The following ARHGAP12 variants were observed in gnomAD, a reference collection of about 807,000 sequenced individuals.
ARHGAP12 encodes Rho GTPase activating protein 12.
A neutral mutation model predicts 108.6 loss-of-function variants in ARHGAP12; 64 were observed. The observed-to-expected ratio is 0.59, with a 90% CI of 0.48 to 0.73. ARHGAP12 has a LOEUF of 0.73. Among genes scored for constraint, ARHGAP12 ranks in the 30% least tolerant of loss-of-function variants. ARHGAP12 has a pLI of 0.00. For missense variants in ARHGAP12, 940 were observed against 1,005.9 expected, an observed-to-expected ratio of 0.93 and a Z score of 0.89; for synonymous variants, 312 against 337.2, an observed-to-expected ratio of 0.93 and a Z score of 0.82.
chr10:31,892,437 C>CA lies in ARHGAP12; in HGVS notation c.684+15734dup, dbSNP rs1053850897. Among the ~76,000 whole-genome samples the CA allele has an allele frequency of 2.1e-4, 32 of 150,716 alleles. No individual in the cohort carries two copies. The East Asian group carries it at 3.7e-3, about 17-fold the overall frequency. ...GAAGATCTACCAAGCAAACAGAAAA[C>CA]AAAAAAAAGGCAGTCCTAGTCTCTG... On this transcript the variant is annotated intron_variant, in intron 3 of 19. Transcript: ENST00000344936.
rs555226627 is a variant in ARHGAP12, at chr10:31,830,264, C to A, written c.1448+1475G>T. Among the ~76,000 whole-genome samples the A allele has an allele frequency of 6.6e-5, 10 of 151,914 alleles. No homozygotes were observed. The South Asian group carries it at 2.1e-3, about 32-fold the overall frequency. On this transcript the variant is annotated intron_variant, in intron 10 of 19. Coordinates refer to ENST00000344936, the MANE Select transcript of ARHGAP12 (RefSeq NM_018287.7). ...TCTTCAGACCAAAAAGTTTAAGAAC[C>A]ACTAATACATAGGAAACTAAAGATT...
At chr10:31,908,947 A>C (rs137906457) in intron 2 of ARHGAP12, 21 bp from the exon 3 acceptor site, 8 of 1,231,454 alleles carry the variant, frequency 6.5e-6, no homozygotes, top group African/African-American at 3.0e-5. Context: ...TAAATGGAGA[A>C]AGAGAATGAA....
At chr10:31,883,899 G>C (rs138998284) in intron 3 of ARHGAP12, among the ~76,000 whole-genome samples, 226 of 151,630 alleles carry the variant, frequency 1.5e-3, no homozygotes, top group African/African-American at 5.3e-3. Flanking sequence ...ATTTTTTATA[G>C]AGAAAGGGTT....
rs767272767 is a variant in ARHGAP12, at chr10:31,839,702, T to C, written c.1306A>G (p.Thr436Ala). ...TCAGGAAAGCAGGGTTTTGAGGCAG[T>C]TGGAGATTCCTACAAGAAATAAGTA... ...VLDTNDKESPTASKPCFPENE... is the reference protein window; with the variant it reads ...VLDTNDKESPAASKPCFPENE... The change falls in exon 8 of 20, where the codon ACT becomes GCT. Residue 436 changes from threonine to alanine, a missense_variant. By Grantham distance (58) the Thr-to-Ala change is moderately conservative. Transcript: ENST00000344936. 2 of 1,605,438 alleles carry C rather than the reference T, an allele frequency of 1.2e-6. No individual in the cohort carries two copies. Among genetic ancestry groups the C allele is most frequent in the East Asian group, 2.2e-5 (1 of 44,544 alleles).
At chr10:31,871,074 T>TA (rs771034518) in intron 3 of ARHGAP12, among the ~76,000 whole-genome samples, 7 of 152,098 alleles carry the variant, frequency 4.6e-5, no homozygotes, top group Non-Finnish European at 1.0e-4. Flanking sequence ...AACTCAGCAC[T>TA]AAACAGGGAT....
At chr10:31,908,115 T>C (rs1399867917) in intron 3 of ARHGAP12, 57 bp downstream of exon 3, 3 of 1,449,506 alleles carry the variant, frequency 2.1e-6, no homozygotes, top group African/African-American at 2.9e-5. Context: ...ATTAAAACTA[T>C]AACTAATATT....
At chr10:31,894,415 T>C (rs1838589046) in intron 3 of ARHGAP12, among the ~76,000 whole-genome samples, 1 of 152,044 alleles carries the variant, frequency 6.6e-6, no homozygotes, top group Admixed American at 6.5e-5. Context: ...GGATACAAAA[T>C]CAATGTGCAA....
intron 14 of ARHGAP12, among the ~76,000 whole-genome samples, chr10:31,813,551 A>C (rs1403358912): frequency 1.3e-5 from 2 of 152,202 alleles, no homozygotes; most frequent in Non-Finnish European, 2.9e-5. Context: ...TGACAATGTC[A>C]GTAATAGGCC....
chr10:31,901,964 T>G (rs1026386685), intron 3 of ARHGAP12, among the ~76,000 whole-genome samples: 2 of 152,158 alleles, frequency 1.3e-5, no homozygotes, highest in African/African-American at 4.8e-5. Flanking sequence ...TCAAGATCCT[T>G]AACTTAATCA....
At chr10:31,825,098 T>C (rs1264236384) in intron 11 of ARHGAP12, among the ~76,000 whole-genome samples, 1 of 152,056 alleles carries the variant, frequency 6.6e-6, no homozygotes, top group Non-Finnish European at 1.5e-5. Flanking sequence ...GGGAGCAAAT[T>C]AAAAGATTAG....
chr10:31,826,600 A>C (rs1835620890), intron 10 of ARHGAP12, among the ~76,000 whole-genome samples: 1 of 152,234 alleles, frequency 6.6e-6, no homozygotes, highest in Admixed American at 6.5e-5. Context: ...AATGAAGTTA[A>C]TCAGAGAAGT....
chr10:31,895,184 C>T (rs1392883781), intron 3 of ARHGAP12, among the ~76,000 whole-genome samples: 4 of 152,162 alleles, frequency 2.6e-5, no homozygotes, highest in African/African-American at 4.8e-5. Context: ...AGGACATAGG[C>T]ATGGGCAAGG....
At chr10:31,881,646 C>T (rs970329949) in intron 3 of ARHGAP12, among the ~76,000 whole-genome samples, 3 of 152,138 alleles carry the variant, frequency 2.0e-5, no homozygotes, top group African/African-American at 4.8e-5. Context: ...TATTCCTCTC[C>T]ATGAGGAAGT....
chr10:31,835,880 G>A (rs1592270742), intron 9 of ARHGAP12, among the ~76,000 whole-genome samples: 1 of 152,044 alleles, frequency 6.6e-6, no homozygotes, highest in Non-Finnish European at 1.5e-5. Context: ...ACTTTTAATG[G>A]GTATGGGTTT....
At chr10:31,916,356 G>A (rs891889452) in intron 1 of ARHGAP12, among the ~76,000 whole-genome samples, 3 of 151,416 alleles carry the variant, frequency 2.0e-5, no homozygotes, top group African/African-American at 4.9e-5. Context: ...CGACACACAC[G>A]CCTGCTTATA....
intron 9 of ARHGAP12, among the ~76,000 whole-genome samples, chr10:31,833,051 AT>A (rs549029749): frequency 6.6e-4 from 97 of 147,462 alleles, no homozygotes; most frequent in East Asian, 2.6e-3. Context: ...TATGTGTGAG[AT>A]TTTTTTTTTT....
chr10:31,833,377 A>G (rs1336496156), intron 9 of ARHGAP12, among the ~76,000 whole-genome samples: 2 of 152,074 alleles, frequency 1.3e-5, no homozygotes, highest in East Asian at 3.9e-4. Context: ...CACAGGCATC[A>G]AAACAGGAAG....
intron 6 of ARHGAP12, among the ~76,000 whole-genome samples, chr10:31,848,128 T>C (rs1173914744): frequency 6.6e-6 from 1 of 152,146 alleles, no homozygotes; most frequent in Non-Finnish European, 1.5e-5. Flanking sequence ...TCTCCTTGTG[T>C]CATATTTGTT....
chr10:31,924,476 T>C (rs1330691116), intron 1 of ARHGAP12, among the ~76,000 whole-genome samples: 3 of 152,126 alleles, frequency 2.0e-5, no homozygotes, highest in South Asian at 2.1e-4. Context: ...AATAGAGAAA[T>C]ACAAATCATA....
Sources: gnomAD v4.1 joint callset for allele counts (sites outside exome capture counted in the v4.1 genomes callset) on GRCh38, gnomAD v4.1.1 for gene constraint, MANE v1.5 for transcripts, NCBI Gene and HGNC (gene_info 2026-07-23, HGNC 2026-07-21) for gene names.